The following SPTB variants were observed in gnomAD, a reference collection of about 807,000 sequenced individuals.
SPTB encodes spectrin beta, erythrocytic, also known as spectrin beta chain, erythrocytic.
A neutral mutation model predicts 256.2 loss-of-function variants in SPTB; 45 were observed. That is an observed-to-expected ratio of 0.18 (90% CI 0.14 to 0.23). The LOEUF is 0.23. Ranked by LOEUF, SPTB falls within the 10% of genes least tolerant of loss-of-function variation. SPTB has a pLI of 1.00. For missense variants in SPTB, 2,715 were observed against 3,040.4 expected (o/e 0.89, Z 2.52); for synonymous variants, 1,231 against 1,243.1 (o/e 0.99, Z 0.21).
At chr14:64,804,814 A>T in intron 3 of SPTB, 125 bp downstream of exon 3, 1 of 1,251,890 alleles carries the variant, frequency 8.0e-7, no homozygotes, top group Non-Finnish European at 1.1e-6. Flanking sequence ...TCTAAGTATT[A>T]GAGCCTCCCA....
At chr14:64,874,837 T>C (rs886270954) in intron 1 of SPTB, among the ~76,000 whole-genome samples, 1 of 152,254 alleles carries the variant, frequency 6.6e-6, no homozygotes, top group African/African-American at 2.4e-5. Flanking sequence ...AACTCCTAAA[T>C]TGACTATAAT....
intron 9 of SPTB, 152 bp downstream of exon 9, chr14:64,799,595 A>G: frequency 1.1e-6 from 1 of 907,662 alleles, no homozygotes; most frequent in Non-Finnish European, 1.7e-6. Context: ...AGTGGTGAAG[A>G]GGGGCACAAG....
At position 64,793,851 on chromosome 14, in the gene SPTB, G is replaced by A. The variant is rs762574680; in HGVS notation, c.1812C>T (p.Asp604=). 4 of 1,606,422 alleles carry A rather than the reference G, an allele frequency of 2.5e-6. No homozygotes were observed. In the East Asian group the frequency reaches 8.9e-5, roughly 36 times the overall value. ...TGATGCGGTCCTGGATGACCTGGGG[G>A]TCACAAGGCTGGTACCCTGGAAGAA... ...FTEGKGYQPC[D]PQVIQDRISH... is the part of the protein sequence containing the mutation. The change falls in exon 14 of 36, where the codon GAC becomes GAT. Residue 604 remains aspartate, a synonymous_variant. Transcript: ENST00000644917. This position sits in a 1 kb window ranked among gnomAD's most constrained non-coding sequence, Gnocchi z 7.0.
intron 2 of SPTB, among the ~76,000 whole-genome samples, chr14:64,819,345 G>C (rs907311609): frequency 6.6e-6 from 1 of 152,162 alleles, no homozygotes; most frequent in Admixed American, 6.5e-5. Context: ...TACTTAAGAA[G>C]CAGAAAAGAT....
At chr14:64,814,736 C>T (rs572460824) in intron 2 of SPTB, among the ~76,000 whole-genome samples, 223 of 152,216 alleles carry the variant, frequency 1.5e-3, no homozygotes, top group Non-Finnish European at 2.0e-3. Context: ...AGGCTGGTCT[C>T]GAGCTCCTGG....
chr14:64,782,267 G>C (rs1401998345), intron 20 of SPTB, 23 bp downstream of exon 20: 4 of 1,614,102 alleles, frequency 2.5e-6, no homozygotes, highest in Middle Eastern at 1.6e-4. Context: ...CTAACACTCT[G>C]AGTCTACAAC....
intron 8 of SPTB, among the ~76,000 whole-genome samples, chr14:64,800,330 T>C (rs2082859249): frequency 6.6e-6 from 1 of 152,150 alleles, no homozygotes; most frequent in Non-Finnish European, 1.5e-5. Flanking sequence ...CAGAGATGAA[T>C]GAGAAATGGT....
At chr14:64,848,162 T>C (rs1010314725) in intron 1 of SPTB, among the ~76,000 whole-genome samples, 5 of 152,344 alleles carry the variant, frequency 3.3e-5, no homozygotes, top group African/African-American at 1.2e-4. Context: ...CACCACATGA[T>C]GGCTCCTCCC....
chr14:64,767,393 G>C, intron 30 of SPTB, 41 bp from the exon 31 acceptor site: 1 of 1,613,264 alleles, frequency 6.2e-7, no homozygotes, highest in Non-Finnish European at 8.5e-7. Flanking sequence ...CAGCCACAGA[G>C]GCGAGTTGTG....
At chr14:64,776,614 GT>G (rs1294228360) in intron 22 of SPTB, among the ~76,000 whole-genome samples, 2 of 151,080 alleles carry the variant, frequency 1.3e-5, no homozygotes, top group African/African-American at 4.9e-5. Context: ...CTAATTTTTT[GT>G]ATTTTTTGTA....
intron 1 of SPTB, among the ~76,000 whole-genome samples, chr14:64,836,812 T>A (rs1480132891): frequency 2.0e-5 from 3 of 152,204 alleles, no homozygotes; most frequent in Non-Finnish European, 4.4e-5. Context: ...ATGGAACAGA[T>A]GTAACTATCC....
In SPTB at chr14:64,795,546, T is replaced by C. The variant is rs1335363319; in HGVS notation, c.1435A>G (p.Arg479Gly). The change falls in exon 12 of 36, where the codon AGA becomes GGA. Residue 479 changes from arginine to glycine, a missense_variant. By Grantham distance (125) the Arg-to-Gly change is moderately radical (BLOSUM62 -2). Around this residue, in one of 4 missense-constraint regions of SPTB, gnomAD observed 416 missense variants for 571.1 expected, o/e 0.73. Transcript: ENST00000644917. This position sits in a 1 kb window ranked among gnomAD's most constrained non-coding sequence, Gnocchi z 6.5. Reference protein sequence around the residue: ...TDTAAYEERVRALEDLAQELE... With the variant: ...TDTAAYEERVGALEDLAQELE... ...TCCTGAGCCAGGTCCTCCAGGGCTC[T>C]CACCCGCTCCTCGTAGGCAGCCGTG... 4.3e-6 allele frequency: 7 copies of C among 1,614,174 alleles called. No individual in the cohort carries two copies. The South Asian group carries it at 7.7e-5, about 18-fold the overall frequency.
Position 64,749,704 on chromosome 14 carries a change from G to A in SPTB, c.6777-8C>T, listed in dbSNP as rs919844077. Reference sequence around the variant, plus strand: ...TCGCTGCCATTACTCAGCCTAGGAGGACAAAGGGTTTCCTGTCATGGAGAC... The same window carrying A: ...TCGCTGCCATTACTCAGCCTAGGAGAACAAAGGGTTTCCTGTCATGGAGAC... On this transcript the variant is annotated splice_polypyrimidine_tract_variant and splice_region_variant and intron_variant, in intron 34 of 35. Coordinates refer to ENST00000644917, the MANE Select transcript of SPTB (RefSeq NM_001355436.2). This position sits in a 1 kb window ranked among gnomAD's most constrained non-coding sequence, Gnocchi z 4.7. 6.2e-7 allele frequency: 1 copy of A among 1,613,638 alleles called. No individual in the cohort carries two copies. The highest frequency in any genetic ancestry group is 8.5e-7 in the Non-Finnish European group (1 of 1,179,872).
Position 64,797,710 on chromosome 14 carries a change from A to G in SPTB, c.1182+19T>C. On this transcript the variant is annotated intron_variant, in intron 10 of 35. Coordinates refer to ENST00000644917, the MANE Select transcript of SPTB (RefSeq NM_001355436.2). ...TCAATCAATCTACTGTCAATGCATA[A>G]CGGAAAATGCTGTGGTACCCTGTTG... The G allele has an allele frequency of 6.4e-7, 1 of 1,563,402 alleles. No individual in the cohort carries two copies. The highest frequency in any genetic ancestry group is 1.4e-5 in the African/African-American group (1 of 73,920).
At position 64,779,829 on chromosome 14, in the gene SPTB, C is replaced by T. The variant is rs371440362; in HGVS notation, c.4369G>A (p.Glu1457Lys). ...EEGGDADLSIEKRFLDLLEPL... is the reference protein window; with the variant it reads ...EEGGDADLSIKKRFLDLLEPL... ...TCCAGGAGGTCCAGGAACCGCTTCT[C>T]GATGCTCAAGTCTGCATCTCCTCCC... is the stretch of plus-strand genomic sequence containing the variant. The change falls in exon 21 of 36, where the codon GAG becomes AAG. Residue 1457 changes from glutamate to lysine, a missense_variant. Physicochemically the swap from Glu to Lys is moderately conservative, Grantham distance 56. Coordinates refer to ENST00000644917, the MANE Select transcript of SPTB (RefSeq NM_001355436.2). The surrounding 1 kb of genome is among the most constrained non-coding windows in gnomAD (Gnocchi z 4.2). 1.6e-5 allele frequency: 26 copies of T among 1,614,034 alleles called. No homozygotes were observed. The highest frequency in any genetic ancestry group is 2.0e-5 in the Non-Finnish European group (24 of 1,180,040).
Position 64,772,098 on chromosome 14 carries a change from G to A in SPTB, c.5553+482C>T, listed in dbSNP as rs2082286361. Among the ~76,000 whole-genome samples, 1 of 152,192 alleles carries A rather than the reference G, an allele frequency of 6.6e-6. No individual in the cohort carries two copies. Among genetic ancestry groups the A allele is most frequent in the African/African-American group, 2.4e-5 (1 of 41,450 alleles). The stretch of plus-strand genomic sequence containing the variant: ...GCTGAAGTGCCCGGTGGCTAAGTAT[G>A]TGGGGTCTATAGCTAGACTGCCAGG... On this transcript the variant is annotated intron_variant, in intron 26 of 35. Coordinates refer to ENST00000644917, the MANE Select transcript of SPTB (RefSeq NM_001355436.2). The surrounding 1 kb of genome is among the most constrained non-coding windows in gnomAD (Gnocchi z 5.4).
chr14:64,790,130 C>G lies in SPTB; in HGVS notation c.2804+1589G>C, dbSNP rs529160021. 6.6e-6 allele frequency among the ~76,000 whole-genome samples: 1 copy of G among 152,136 alleles called. No homozygotes were observed. Among genetic ancestry groups the G allele is most frequent in the Non-Finnish European group, 1.5e-5 (1 of 68,040 alleles). ...ATTGCCCAAAAATGAGATAGGCTGC[C>G]GGGTGAGGGAGTGAGTTCCCCATCA... On this transcript the variant is annotated intron_variant, in intron 15 of 35. Coordinates refer to ENST00000644917, the MANE Select transcript of SPTB (RefSeq NM_001355436.2). The surrounding 1 kb of genome is among the most constrained non-coding windows in gnomAD (Gnocchi z 4.8).
At position 64,786,632 on chromosome 14, in the gene SPTB, G is replaced by C. The variant is rs139214218; in HGVS notation, c.3333C>G (p.Asp1111Glu). The change falls in exon 16 of 36, where the codon GAC (aspartate) becomes GAG (glutamate). Residue 1111 changes from aspartate to glutamate, a missense_variant. Asp to Glu is a conservative substitution (Grantham distance 45, BLOSUM62 2). Transcript: ENST00000644917. This position sits in a 1 kb window ranked among gnomAD's most constrained non-coding sequence, Gnocchi z 5.6. Reference sequence around the variant, plus strand: ...CACGCTGGTAGCTGTCTTGGTGCCCGTCAATCTCATCCTTGATACCTGCAT... The same window carrying C: ...CACGCTGGTAGCTGTCTTGGTGCCCCTCAATCTCATCCTTGATACCTGCAT... ...QQHAGIKDEIDGHQDSYQRVK... is the reference protein window; with the variant it reads ...QQHAGIKDEIEGHQDSYQRVK... 3 of 1,614,114 alleles carry C rather than the reference G, an allele frequency of 1.9e-6. No homozygotes were observed. The highest frequency in any genetic ancestry group is 2.5e-6 in the Non-Finnish European group (3 of 1,179,996).
chr14:64,802,295 G>T lies in SPTB; in HGVS notation c.497C>A (p.Thr166Asn). Reference sequence around the variant, plus strand: ...TGAGCGTGTTTCACGACCTTCCTGAGTTTGGACCACAATGTCCTGAATCTG... The same window carrying T: ...TGAGCGTGTTTCACGACCTTCCTGATTTTGGACCACAATGTCCTGAATCTG... ...RFQIQDIVVQ[T>N]QEGRETRSAK... Residue 166 changes from threonine (T) to asparagine (N), a missense_variant, in exon 5 of 36, where the codon ACT (threonine) becomes AAT (asparagine). Thr to Asn is a moderately conservative substitution (Grantham distance 65). Transcript: ENST00000644917. The surrounding 1 kb of genome is among the most constrained non-coding windows in gnomAD (Gnocchi z 5.1). The T allele has an allele frequency of 1.2e-6, 2 of 1,614,204 alleles. No individual in the cohort carries two copies. Among genetic ancestry groups the T allele is most frequent in the Non-Finnish European group, 1.7e-6 (2 of 1,180,040 alleles).
Sources: allele counts gnomAD v4.1 joint callset (sites outside exome capture counted in the v4.1 genomes callset), GRCh38; gene constraint gnomAD v4.1.1; regional missense constraint gnomAD v4.1.1; non-coding constraint Gnocchi (gnomAD v3.1); transcripts MANE v1.5; gene names NCBI Gene and HGNC (gene_info 2026-07-23, HGNC 2026-07-21).